Variants in PXDNL observed in about 807,000 individuals in gnomAD.
The protein encoded by PXDNL is peroxidasin like, also known as probable oxidoreductase PXDNL.
PXDNL carries 145 observed loss-of-function variants against 150.8 expected under a neutral mutation model. That is an observed-to-expected ratio of 0.96 (90% confidence interval 0.84 to 1.10). The LOEUF is 1.10. Among genes scored for constraint, PXDNL ranks in the 50% least tolerant of loss-of-function variants. PXDNL has a pLI of 0.00. For synonymous variants in PXDNL, 757 were observed against 725.7 expected (o/e 1.04, Z -0.69); for missense variants, 2,087 against 1,873.9 (o/e 1.11, Z -2.10).
chr8:51,556,230 C>T (rs1235853829), intron 4 of PXDNL, among the ~76,000 whole-genome samples: 1 of 151,984 alleles, frequency 6.6e-6, no homozygotes, highest in Admixed American at 6.6e-5. Flanking sequence ...GACAACTGCA[C>T]TCCAGTCTGG....
In PXDNL at chr8:51,516,021, A is replaced by G. The variant is rs376690181; in HGVS notation, c.381-16251T>C. Among the ~76,000 whole-genome samples the G allele has an allele frequency of 4.6e-5, 7 of 152,330 alleles. No homozygotes were observed. In the East Asian group the frequency reaches 1.3e-3, roughly 29 times the overall value. ...TTCAATTTCGAGTCATAACTGAGGTATAAGAAGACATATTTTCAATAATAA... is the reference window on the plus strand; with the variant it reads ...TTCAATTTCGAGTCATAACTGAGGTGTAAGAAGACATATTTTCAATAATAA... On this transcript the variant is annotated intron_variant, in intron 4 of 22. Coordinates refer to ENST00000356297, the MANE Select transcript of PXDNL (RefSeq NM_144651.5).
intron 21 of PXDNL, among the ~76,000 whole-genome samples, chr8:51,336,487 T>C (rs72636569): frequency 0.032 from 4,834 of 152,258 alleles, 122 homozygotes; most frequent in Non-Finnish European, 0.049. Context: ...AGTGCTAATT[T>C]CACAAATACT....
intron 1 of PXDNL, among the ~76,000 whole-genome samples, chr8:51,766,414 T>C (rs892118905): frequency 2.6e-5 from 4 of 152,242 alleles, no homozygotes; most frequent in African/African-American, 9.6e-5. Flanking sequence ...CTTTTACCTA[T>C]GTAGTATACT....
At chr8:51,725,627 C>T (rs1194691232) in intron 1 of PXDNL, among the ~76,000 whole-genome samples, 1 of 152,158 alleles carries the variant, frequency 6.6e-6, no homozygotes, top group African/African-American at 2.4e-5. Flanking sequence ...CCTTGAAGCT[C>T]CTCGTTGCAT....
intron 1 of PXDNL, among the ~76,000 whole-genome samples, chr8:51,735,840 C>A (rs1585710965): frequency 6.6e-6 from 1 of 152,164 alleles, no homozygotes; most frequent in East Asian, 1.9e-4. Flanking sequence ...GCCACCGCGC[C>A]CGGCCTAAAA....
chr8:51,483,643 A>T lies in PXDNL; in HGVS notation c.524T>A (p.Leu175Ter), dbSNP rs1176008334. 1.3e-6 allele frequency: 2 copies of T among 1,506,944 alleles called. No homozygotes were observed. Among genetic ancestry groups the T allele is most frequent in the Non-Finnish European group, 1.8e-6 (2 of 1,110,664 alleles). 93.3% of individuals were successfully genotyped at this position (1,506,944 alleles called of 1,614,324 possible). A position where few individuals can be genotyped will look rare whatever the true frequency, so the allele number is the denominator to read the frequency against. ...SFSNLDSLKR[L>*]RLDSNALVCD... ...TGTTAATGCACTTGCTTTCACTTAC[A>T]ATCTTTTTAATGAATCCAGATTAGA... Residue 175 changes from leucine to a stop codon, truncating the protein, a stop_gained and splice_region_variant, in exon 6 of 23, where the codon TTG becomes TAG. Coordinates refer to ENST00000356297, the MANE Select transcript of PXDNL (RefSeq NM_144651.5). LOFTEE classifies it high-confidence loss of function.
At chr8:51,719,911 T>C (rs953454968) in intron 1 of PXDNL, among the ~76,000 whole-genome samples, 1 of 151,922 alleles carries the variant, frequency 6.6e-6, no homozygotes, top group Non-Finnish European at 1.5e-5. Flanking sequence ...AGACTGTGAG[T>C]ATTAGAAGCC....
intron 17 of PXDNL, among the ~76,000 whole-genome samples, chr8:51,375,938 C>T (rs905520987): frequency 6.6e-6 from 1 of 152,148 alleles, no homozygotes; most frequent in South Asian, 2.1e-4. Context: ...ACTTTATTTA[C>T]AAAATTAGAA....
At chr8:51,641,015 C>A (rs1374579764) in intron 2 of PXDNL, among the ~76,000 whole-genome samples, 1 of 152,092 alleles carries the variant, frequency 6.6e-6, no homozygotes, top group Non-Finnish European at 1.5e-5. Context: ...AGATATAGAT[C>A]AATGGAACAG....
Position 51,408,555 on chromosome 8 carries a change from C to A in PXDNL, c.3069G>T (p.Gly1023=), listed in dbSNP as rs1485366772. The change falls in exon 17 of 23, where the codon GGG becomes GGT. Residue 1023 remains glycine (G), a synonymous_variant. Transcript: ENST00000356297. ...CCCTCAGCATCCTAGTGCCAGGGTC[C>A]CCCAGGACCTTAGGCAGCCAGTGGC... ...TYSHWLPKVL[G]DPGTRMLRGY... The A allele has an allele frequency of 1.9e-6, 3 of 1,612,984 alleles. No homozygotes were observed. Among genetic ancestry groups the A allele is most frequent in the Admixed American group, 1.7e-5 (1 of 59,872 alleles).
intron 19 of PXDNL, among the ~76,000 whole-genome samples, chr8:51,368,567 A>T (rs1300789509): frequency 6.6e-6 from 1 of 152,206 alleles, no homozygotes; most frequent in African/African-American, 2.4e-5. Context: ...TTATTCTTTA[A>T]AAACAACATA....
intron 1 of PXDNL, among the ~76,000 whole-genome samples, chr8:51,656,850 C>T (rs1815160076): frequency 6.6e-6 from 1 of 152,102 alleles, no homozygotes; most frequent in Non-Finnish European, 1.5e-5. Flanking sequence ...CTTTTAAGCA[C>T]CATCTTAATT....
chr8:51,320,151 G>A, intron 22 of PXDNL, 129 bp from the exon 23 acceptor site: 1 of 784,514 alleles, frequency 1.3e-6, no homozygotes, highest in Non-Finnish European at 1.8e-6. Context: ...AATGCTCATA[G>A]TATGAGCTCA....
At chr8:51,668,060 T>C (rs970673214) in intron 1 of PXDNL, among the ~76,000 whole-genome samples, 4 of 152,110 alleles carry the variant, frequency 2.6e-5, no homozygotes, top group African/African-American at 9.7e-5. Flanking sequence ...AACACCAGAA[T>C]TTACCACCAA....
At chr8:51,373,630 C>G (rs1807201480) in intron 18 of PXDNL, among the ~76,000 whole-genome samples, 1 of 152,118 alleles carries the variant, frequency 6.6e-6, no homozygotes, top group African/African-American at 2.4e-5. Context: ...GCTACTTTCT[C>G]TATAATTTGT....
intron 3 of PXDNL, among the ~76,000 whole-genome samples, chr8:51,563,441 C>T (rs1359703110): frequency 6.6e-6 from 1 of 152,084 alleles, no homozygotes; most frequent in Admixed American, 6.6e-5. Context: ...AACCCAATTA[C>T]CTGCTGAAGG....
At chr8:51,421,663 C>T (rs1190847892) in intron 14 of PXDNL, among the ~76,000 whole-genome samples, 1 of 152,142 alleles carries the variant, frequency 6.6e-6, no homozygotes, top group East Asian at 1.9e-4. Flanking sequence ...TGTGCCCCTG[C>T]ACTCCAGCCT....
At chr8:51,392,470 G>T (rs1301055962) in intron 17 of PXDNL, among the ~76,000 whole-genome samples, 4 of 152,114 alleles carry the variant, frequency 2.6e-5, no homozygotes, top group Non-Finnish European at 5.9e-5. Context: ...TTGTAAGTTG[G>T]ATTTCTAGGT....
chr8:51,729,232 G>A (rs1816873630), intron 1 of PXDNL, among the ~76,000 whole-genome samples: 1 of 152,028 alleles, frequency 6.6e-6, no homozygotes, highest in African/African-American at 2.4e-5. Context: ...GAAAAGACAA[G>A]TGACAGACTG....
Sources: gnomAD v4.1 joint callset for allele counts (sites outside exome capture counted in the v4.1 genomes callset) on GRCh38, gnomAD v4.1.1 for gene constraint, MANE v1.5 for transcripts, NCBI Gene and HGNC (gene_info 2026-07-23, HGNC 2026-07-21) for gene names.